The following ZFX variants were observed in gnomAD, a reference collection of about 807,000 sequenced individuals.
ZFX encodes the protein zinc finger protein X-linked.
For synonymous variants in ZFX, 196 were observed against 226.8 expected, an observed-to-expected ratio of 0.86 and a Z score of 1.22; for missense variants, 362 against 628.3, an observed-to-expected ratio of 0.58 and a Z score of 4.53.
chrX:24,187,795 C>A (rs1400740157), intron 5 of ZFX, among the ~76,000 whole-genome samples: 1 of 111,206 alleles, frequency 9.0e-6, no homozygotes, highest in Non-Finnish European at 1.9e-5. Flanking sequence ...AGTTCACAGT[C>A]TGGGAGGGAA....
rs1431200966 is a variant in ZFX at position 24,179,712 on chromosome X, C to A, written c.588C>A (p.Ile196=). Reference sequence around the variant, plus strand: ...AAGCAGTCATAGATGCCAATGGGATCCCTGTGGACCAGCAGGATGATGACA... The same window carrying A: ...AAGCAGTCATAGATGCCAATGGGATACCTGTGGACCAGCAGGATGATGACA... ...ASEAVIDANG[I]PVDQQDDDKG... Residue 196 remains isoleucine, a synonymous_variant, in exon 5 of 10, where the codon ATC becomes ATA. Transcript: ENST00000304543. 1.3e-5 allele frequency: 16 copies of A among 1,210,936 alleles called. No homozygotes were observed. Among genetic ancestry groups the A allele is most frequent in the Non-Finnish European group, 1.8e-5 (16 of 895,462 alleles).
intron 5 of ZFX, among the ~76,000 whole-genome samples, chrX:24,182,579 T>C (rs1935775204): frequency 9.0e-6 from 1 of 111,462 alleles, no homozygotes; most frequent in African/African-American, 3.3e-5. Flanking sequence ...CAGTAAGGCA[T>C]GGGCTATTGG....
In ZFX at chrX:24,215,360, G is replaced by A. The variant is rs1163483224; in HGVS notation, c.*3984G>A. The A allele has an allele frequency of 9.0e-6, 1 of 111,673 alleles. No individual in the cohort carries two copies. Among genetic ancestry groups the A allele is most frequent in the Non-Finnish European group, 1.9e-5 (1 of 53,145 alleles). 9.2% of individuals were successfully genotyped at this position (111,673 alleles called of 1,213,427 possible). On this transcript the variant is annotated 3_prime_UTR_variant, in exon 10 of 10. Coordinates refer to ENST00000304543, the MANE Select transcript of ZFX (RefSeq NM_003410.4). ...TAAAGGGGCAATCTTTCAGAGCAGT[G>A]GTTTTCAAAGTATGGCCGGACAGCA...
chrX:24,176,416 T>G (rs1232281479), intron 4 of ZFX, among the ~76,000 whole-genome samples: 2 of 104,200 alleles, frequency 1.9e-5, no homozygotes, highest in Non-Finnish European at 3.9e-5. Flanking sequence ...ATTTCTAATA[T>G]TCTTTGGCCT....
At chrX:24,171,905 GGAGA>G (rs1213136127) in intron 3 of ZFX, among the ~76,000 whole-genome samples, 1,708 of 41,852 alleles carry the variant, frequency 0.041, 14 homozygotes, top group Non-Finnish European at 0.063. Flanking sequence ...AGAGAGAGAA[GGAGA>G]GAGAGAGAGA....
chrX:24,166,689 G>T (rs114024617), intron 3 of ZFX, among the ~76,000 whole-genome samples: 2,789 of 110,847 alleles, frequency 0.025, 81 homozygotes, highest in African/African-American at 0.086. Context: ...AATGCATAAT[G>T]ACTTCAAATT....
At chrX:24,173,398 C>G (rs1934814807) in intron 4 of ZFX, among the ~76,000 whole-genome samples, 1 of 111,066 alleles carries the variant, frequency 9.0e-6, no homozygotes, top group African/African-American at 3.3e-5. Flanking sequence ...TTATAACTCT[C>G]TCTCTTGCAA....
chrX:24,212,999 C>T lies in ZFX; in HGVS notation c.*1623C>T, dbSNP rs926911201. ...TGCAGCTCACTGCAACCTCTGCTTC[C>T]TGGGTTCAAGCAATTATCTGCCTCA... On this transcript the variant is annotated 3_prime_UTR_variant, in exon 10 of 10. Transcript: ENST00000304543. The T allele has an allele frequency of 1.8e-5, 2 of 110,660 alleles. No individual in the cohort carries two copies. The highest frequency in any genetic ancestry group is 1.9e-4 in the Admixed American group (2 of 10,369). The allele number at this position is 110,660 out of a possible 1,213,427, so 9.1% of individuals were successfully genotyped here.
At chrX:24,150,320 G>C (rs1448941470) in intron 1 of ZFX, among the ~76,000 whole-genome samples, 1 of 108,361 alleles carries the variant, frequency 9.2e-6, no homozygotes, top group East Asian at 3.0e-4. Flanking sequence ...CCCGTGAGGG[G>C]GGGTGGGAGA....
rs368610519 is a variant in ZFX, at chrX:24,170,172, TTG to T, written c.-28-2542_-28-2541del. Among the ~76,000 whole-genome samples, 918 of 107,223 alleles carry T rather than the reference TTG, an allele frequency of 8.6e-3. 12 individuals carry two copies. Among genetic ancestry groups the T allele is most frequent in the African/African-American group, 0.029 (854 of 29,114 alleles). 93.1% of individuals were successfully genotyped at this position (107,223 alleles called of 115,157 possible). A position where few individuals can be genotyped will look rare whatever the true frequency, so the allele number is the denominator to read the frequency against. On this transcript the variant is annotated intron_variant, in intron 3 of 9. Transcript: ENST00000304543. The stretch of plus-strand genomic sequence containing the variant: ...ATGCTTAGAATTTTTTTTTTTTTTT[TTG>T]AGACAGAGTCTCGCTCTGTTGCCCA...
intron 5 of ZFX, among the ~76,000 whole-genome samples, chrX:24,180,197 A>T: frequency 9.1e-6 from 1 of 109,595 alleles, no homozygotes; most frequent in Non-Finnish European, 1.9e-5. Flanking sequence ...GTGCTACTGC[A>T]CTTCAGCCTG....
intron 3 of ZFX, among the ~76,000 whole-genome samples, chrX:24,169,636 A>C (rs1934374803): frequency 9.1e-6 from 1 of 109,675 alleles, no homozygotes; most frequent in Non-Finnish European, 1.9e-5. Flanking sequence ...AGAATTGACA[A>C]GATCTGGCAA....
At chrX:24,169,402 C>T (rs766193218) in intron 3 of ZFX, among the ~76,000 whole-genome samples, 5 of 110,443 alleles carry the variant, frequency 4.5e-5, no homozygotes, top group Middle Eastern at 4.7e-3. Context: ...CAAAGCAGTG[C>T]TTCAGGAGGG....
chrX:24,183,367 G>C (rs1369449146), intron 5 of ZFX, among the ~76,000 whole-genome samples: 1 of 111,255 alleles, frequency 9.0e-6, no homozygotes, highest in Non-Finnish European at 1.9e-5. Flanking sequence ...GTATTGTTTA[G>C]TAGAGACGGG....
chrX:24,160,542 A>G (rs1037755630), intron 3 of ZFX, among the ~76,000 whole-genome samples: 7 of 110,575 alleles, frequency 6.3e-5, no homozygotes, highest in Non-Finnish European at 1.1e-4. Flanking sequence ...CAGGTGATCC[A>G]CCTGCCTCGG....
chrX:24,160,264 C>A (rs1242414474), intron 3 of ZFX, among the ~76,000 whole-genome samples: 2 of 104,538 alleles, frequency 1.9e-5, no homozygotes, highest in African/African-American at 7.0e-5. Flanking sequence ...TTTCTCTAGA[C>A]TATAATTGGA....
intron 3 of ZFX, among the ~76,000 whole-genome samples, chrX:24,168,667 CTTTCTT>C (rs1425105238): frequency 2.7e-5 from 2 of 73,791 alleles, no homozygotes; most frequent in East Asian, 4.6e-4. Context: ...TCTTTTCTTT[CTTTCTT>C]TTTTTTTTTT....
intron 3 of ZFX, among the ~76,000 whole-genome samples, chrX:24,156,111 T>C (rs1569120372): frequency 9.0e-6 from 1 of 111,717 alleles, no homozygotes; most frequent in Non-Finnish European, 1.9e-5. Context: ...TGGCCAGGCT[T>C]GTCTCGAACT....
chrX:24,168,694 TTCTG>T (rs1478100066), intron 3 of ZFX, among the ~76,000 whole-genome samples: 1 of 104,821 alleles, frequency 9.5e-6, no homozygotes, highest in Non-Finnish European at 2.0e-5. Context: ...TTTTTTTACT[TTCTG>T]TCCTCACAGT....
Sources: allele counts gnomAD v4.1 joint callset (sites outside exome capture counted in the v4.1 genomes callset), GRCh38; gene constraint gnomAD v4.1.1; transcripts MANE v1.5; gene names NCBI Gene and HGNC (gene_info 2026-07-23, HGNC 2026-07-21).